Variants in CEP89 observed in about 807,000 individuals in gnomAD.
CEP89 encodes the protein centrosomal protein 89, also known as centrosomal protein of 89 kDa.
CEP89 carries 95 observed loss-of-function variants against 97.6 expected under a neutral mutation model. The ratio of observed to expected loss-of-function variants is 0.97; its 90% CI spans 0.82 to 1.15. The LOEUF (loss-of-function observed/expected upper bound fraction) is 1.15, where lower values mean the gene tolerates loss of function less well. CEP89 is among the 50% of genes most tolerant of loss of function. The pLI is 0.00. For synonymous variants in CEP89, 354 were observed against 349.1 expected (o/e 1.01, Z -0.16); for missense variants, 869 against 947.7 (o/e 0.92, Z 1.09).
Position 32,971,894 on chromosome 19 carries a change from T to C in CEP89, c.-20A>G, listed in dbSNP as rs767065939. On this transcript the variant is annotated 5_prime_UTR_variant, in exon 1 of 19. Transcript: ENST00000305768. Reference sequence around the variant, plus strand: ...GAGCATCCTTGCAGCGCGAGGAGAATGGACCGGGGCCTGGACTCATCAGCA... The same window carrying C: ...GAGCATCCTTGCAGCGCGAGGAGAACGGACCGGGGCCTGGACTCATCAGCA... 7 of 1,581,066 alleles carry C rather than the reference T, an allele frequency of 4.4e-6. No individual in the cohort carries two copies. The East Asian group carries it at 1.4e-4, about 32-fold the overall frequency.
rs10709515 is a variant in CEP89, at chr19:32,945,284, C to CAA, written c.595+2980_595+2981dup. On this transcript the variant is annotated intron_variant, in intron 5 of 18. Transcript: ENST00000305768. Reference sequence around the variant, plus strand: ...GGGCAACAAGAGTGAAACTATGTTTCAAAAAAAAAAAAAAAAAAAAAGTAC... The same window carrying CAA: ...GGGCAACAAGAGTGAAACTATGTTTCAAAAAAAAAAAAAAAAAAAAAAAGTAC... Among the ~76,000 whole-genome samples, 99 of 95,830 alleles carry CAA rather than the reference C, an allele frequency of 1.0e-3. 1 individual carries two copies. The highest frequency in any genetic ancestry group is 7.1e-3 in the East Asian group (24 of 3,364). 62.9% of individuals were successfully genotyped at this position (95,830 alleles called of 152,430 possible). A position where few individuals can be genotyped will look rare whatever the true frequency, so the allele number is the denominator to read the frequency against.
intron 16 of CEP89, among the ~76,000 whole-genome samples, chr19:32,889,262 C>T (rs1282657951): frequency 1.3e-5 from 2 of 152,200 alleles, no homozygotes; most frequent in Admixed American, 6.5e-5. Flanking sequence ...CACTCCAGAC[C>T]TGGCTACAGA....
chr19:32,947,057 G>A (rs570183802), intron 5 of CEP89, among the ~76,000 whole-genome samples: 5 of 152,160 alleles, frequency 3.3e-5, no homozygotes, highest in African/African-American at 1.2e-4. Context: ...AGGATTATGA[G>A]GCTGGCATTC....
chr19:32,915,692 G>A (rs1185340273), intron 13 of CEP89, among the ~76,000 whole-genome samples, 175 bp from the exon 14 acceptor site: 4 of 151,950 alleles, frequency 2.6e-5, no homozygotes, highest in African/African-American at 7.3e-5. Context: ...AGGCTGAGGC[G>A]GGTGGATCAC....
intron 4 of CEP89, among the ~76,000 whole-genome samples, chr19:32,951,170 T>C (rs1402683220): frequency 1.3e-5 from 2 of 152,286 alleles, no homozygotes; most frequent in East Asian, 3.9e-4. Context: ...AAACATACCT[T>C]CATAAAGAAT....
chr19:32,879,022 C>A lies in CEP89; in HGVS notation c.*140G>T. The A allele has an allele frequency of 1.7e-6, 1 of 583,852 alleles. No individual in the cohort carries two copies. The highest frequency in any genetic ancestry group is 2.9e-5 in the East Asian group (1 of 35,014). The allele number at this position is 583,852 out of a possible 1,614,324, so 36.2% of individuals were successfully genotyped here. A position where few individuals can be genotyped will look rare whatever the true frequency, so the allele number is the denominator to read the frequency against. On this transcript the variant is annotated 3_prime_UTR_variant, in exon 19 of 19. Coordinates refer to ENST00000305768, the MANE Select transcript of CEP89 (RefSeq NM_032816.5). ...GTTATCAATGGATTAAACTATGAGA[C>A]CATTTATTTCTTCCCTGCCCTGCAG...
intron 16 of CEP89, among the ~76,000 whole-genome samples, chr19:32,898,750 C>T (rs1488232576): frequency 6.6e-6 from 1 of 151,920 alleles, no homozygotes; most frequent in Non-Finnish European, 1.5e-5. Context: ...GGTGTGGTGG[C>T]ATGCACCTGT....
intron 14 of CEP89, among the ~76,000 whole-genome samples, chr19:32,907,276 G>A (rs769714761): frequency 5.3e-5 from 8 of 152,242 alleles, no homozygotes; most frequent in Admixed American, 2.0e-4. Flanking sequence ...CAGGAGAATC[G>A]CTTGAGCCTG....
At position 32,966,406 on chromosome 19, in the gene CEP89, G is replaced by T. The variant is rs141650808; in HGVS notation, c.100C>A (p.Arg34Ser). 1 of 1,562,714 alleles carries T rather than the reference G, an allele frequency of 6.4e-7. No homozygotes were observed. Among genetic ancestry groups the T allele is most frequent in the Non-Finnish European group, 8.7e-7 (1 of 1,151,832 alleles). Residue 34 changes from arginine to serine, a missense_variant, in exon 2 of 19, where the codon CGC becomes AGC. Physicochemically the swap from Arg to Ser is moderately radical, Grantham distance 110. Transcript: ENST00000305768. ...TTGGGGCTGCGGGGAGGAGGTGTGC[G>T]TGGCACAGCTGCCTTCGGAGCAACG... ...ASVAPKAAVP[R>S]TPPPRSPNPS...
rs1450981829 is a variant in CEP89, at chr19:32,951,528, T to C, written c.492+2087A>G. ...ACAAAAAATTATATATATATATATA[T>C]ATATATACACACACACACACACACA... is the stretch of plus-strand genomic sequence containing the variant. On this transcript the variant is annotated intron_variant, in intron 4 of 18. Transcript: ENST00000305768. Among the ~76,000 whole-genome samples, 59 of 94,246 alleles carry C rather than the reference T, an allele frequency of 6.3e-4. 1 individual carries two copies. In the East Asian group the frequency reaches 9.0e-3, roughly 14 times the overall value. The allele number at this position is 94,246 out of a possible 152,430, so 61.8% of individuals were successfully genotyped here. A position where few individuals can be genotyped will look rare whatever the true frequency, so the allele number is the denominator to read the frequency against.
chr19:32,963,492 T>C (rs1362621941), intron 2 of CEP89: 1 of 152,226 alleles, frequency 6.6e-6, no homozygotes, highest in Non-Finnish European at 1.5e-5. Context: ...AAACTGGGCC[T>C]ATGAGAATGG....
At chr19:32,917,759 G>A in intron 13 of CEP89, 3 of 980,200 alleles carry the variant, frequency 3.1e-6, no homozygotes, top group Non-Finnish European at 3.6e-6. Context: ...ACTCTCGGAA[G>A]GTGTTTGATG....
intron 6 of CEP89, among the ~76,000 whole-genome samples, chr19:32,939,506 A>G (rs959929637): frequency 5.9e-5 from 9 of 151,910 alleles, no homozygotes; most frequent in African/African-American, 2.2e-4. Flanking sequence ...GTGAAACCCC[A>G]TCTTTATCAA....
chr19:32,890,418 C>CA (rs528409454), intron 16 of CEP89, among the ~76,000 whole-genome samples: 183 of 152,140 alleles, frequency 1.2e-3, no homozygotes, highest in African/African-American at 3.9e-3. Context: ...AACAAACAAA[C>CA]AAACAAAAAC....
chr19:32,962,270 G>T (rs981584513), intron 2 of CEP89, among the ~76,000 whole-genome samples: 1 of 152,070 alleles, frequency 6.6e-6, no homozygotes, highest in Non-Finnish European at 1.5e-5. Context: ...TCACATGCTC[G>T]CTCTCTCTCA....
intron 3 of CEP89, among the ~76,000 whole-genome samples, chr19:32,957,635 C>T (rs927924053): frequency 1.3e-5 from 2 of 152,074 alleles, no homozygotes; most frequent in Non-Finnish European, 2.9e-5. Flanking sequence ...CATGGTGAAA[C>T]CCTGTCTCTA....
intron 17 of CEP89, among the ~76,000 whole-genome samples, 183 bp downstream of exon 17, chr19:32,887,569 C>T (rs1297259384): frequency 6.6e-6 from 1 of 152,100 alleles, no homozygotes; most frequent in Non-Finnish European, 1.5e-5. Flanking sequence ...TGTGAATGAA[C>T]CAAAGTTTAT....
At chr19:32,904,653 G>A (rs75536778) in intron 14 of CEP89, among the ~76,000 whole-genome samples, 3,994 of 149,928 alleles carry the variant, frequency 0.027, 189 homozygotes, top group African/African-American at 0.094. Context: ...ATGCAGTGGC[G>A]CCACCTCCAC....
At chr19:32,895,688 G>A (rs529922061) in intron 16 of CEP89, among the ~76,000 whole-genome samples, 2 of 151,824 alleles carry the variant, frequency 1.3e-5, no homozygotes, top group East Asian at 3.9e-4. Flanking sequence ...TTTTCTCTTT[G>A]CCAATGACAT....
Sources: allele counts gnomAD v4.1 joint callset (sites outside exome capture counted in the v4.1 genomes callset), GRCh38; gene constraint gnomAD v4.1.1; transcripts MANE v1.5; gene names NCBI Gene and HGNC (gene_info 2026-07-23, HGNC 2026-07-21).